Variants in CTIF observed in about 807,000 individuals in gnomAD.
CTIF encodes cap binding complex dependent translation initiation factor, also known as CBP80/20-dependent translation initiation factor.
CTIF carries 21 observed loss-of-function variants against 66.0 expected under a neutral mutation model. The ratio of observed to expected loss-of-function variants is 0.32; its 90% confidence interval spans 0.23 to 0.46. The LOEUF (loss-of-function observed/expected upper bound fraction) is 0.46, where lower values mean the gene tolerates loss of function less well. Among genes scored for constraint, CTIF ranks in the 20% least tolerant of loss-of-function variants. The pLI, the probability that CTIF is intolerant of heterozygous loss-of-function variation, is 1.00. For synonymous variants in CTIF, 345 were observed against 326.4 expected, an observed-to-expected ratio of 1.06 and a Z score of -0.62; for missense variants, 739 against 812.7, an observed-to-expected ratio of 0.91 and a Z score of 1.10.
Position 48,862,996 on chromosome 18 carries a change from T to C in CTIF, c.*3437T>C, listed in dbSNP as rs949470068. 3 of 152,296 alleles carry C rather than the reference T, an allele frequency of 2.0e-5. No homozygotes were observed. The highest frequency in any genetic ancestry group is 7.2e-5 in the African/African-American group (3 of 41,476). 9.4% of individuals were successfully genotyped at this position (152,296 alleles called of 1,614,324 possible). On this transcript the variant is annotated 3_prime_UTR_variant, in exon 12 of 12. Transcript: ENST00000256413. Reference sequence around the variant, plus strand: ...AGAAGAAAGAAAGACAACTTTCCTCTGCGCGGAACACTCACACGGAAGGGC... The same window carrying C: ...AGAAGAAAGAAAGACAACTTTCCTCCGCGCGGAACACTCACACGGAAGGGC...
chr18:48,794,992 C>T (rs1455333109), intron 9 of CTIF, among the ~76,000 whole-genome samples: 1 of 152,126 alleles, frequency 6.6e-6, no homozygotes, highest in Non-Finnish European at 1.5e-5. Flanking sequence ...TCCACATTAG[C>T]TGGCGAGAGT....
intron 3 of CTIF, among the ~76,000 whole-genome samples, chr18:48,637,525 G>A (rs1182890555): frequency 6.6e-6 from 1 of 152,232 alleles, no homozygotes; most frequent in African/African-American, 2.4e-5. Context: ...CCTGGTTTCA[G>A]AGCCGCTGCA....
chr18:48,647,539 G>A (rs1357384359), intron 3 of CTIF, among the ~76,000 whole-genome samples: 1 of 152,188 alleles, frequency 6.6e-6, no homozygotes, highest in African/African-American at 2.4e-5. Context: ...AGGTCTCTTT[G>A]TATTATTTTT....
intron 3 of CTIF, among the ~76,000 whole-genome samples, chr18:48,659,775 C>T (rs373061479): frequency 2.0e-5 from 3 of 152,194 alleles, no homozygotes; most frequent in East Asian, 3.9e-4. Flanking sequence ...AGCCTGGTGC[C>T]GAGTTTTCCA....
intron 5 of CTIF, among the ~76,000 whole-genome samples, chr18:48,669,682 A>G (rs1340177611): frequency 6.6e-6 from 1 of 150,684 alleles, no homozygotes; most frequent in Non-Finnish European, 1.5e-5. Flanking sequence ...ACCAGTATTT[A>G]CCATTAAACA....
intron 7 of CTIF, among the ~76,000 whole-genome samples, chr18:48,728,766 G>T (rs185144754): frequency 4.0e-5 from 6 of 151,754 alleles, no homozygotes; most frequent in African/African-American, 1.5e-4. Flanking sequence ...GAGAGAGAAG[G>T]AAAGAGAGAG....
At chr18:48,856,912 G>A (rs1316365166) in intron 10 of CTIF, among the ~76,000 whole-genome samples, 2 of 152,212 alleles carry the variant, frequency 1.3e-5, no homozygotes, top group Non-Finnish European at 2.9e-5. Context: ...TTATGTGAAT[G>A]GTATCTCAAT....
rs545405776 is a variant in CTIF, at chr18:48,844,580, G to C, written c.1528-13008G>C. On this transcript the variant is annotated intron_variant, in intron 10 of 11. Transcript: ENST00000256413. ...CGCCTGGTCCGCAGCTAGGGTGCCC[G>C]CCCGCCTTAGTTAGGAGGGCTGGCA... 3.6e-3 allele frequency among the ~76,000 whole-genome samples: 546 copies of C among 152,248 alleles called. 1 individual carries two copies. Among genetic ancestry groups the C allele is most frequent in the African/African-American group, 0.012 (483 of 41,540 alleles).
At chr18:48,660,022 C>G (rs2091314628) in intron 3 of CTIF, among the ~76,000 whole-genome samples, 1 of 150,774 alleles carries the variant, frequency 6.6e-6, no homozygotes, top group South Asian at 2.1e-4. Context: ...GATTGTGTGA[C>G]TGCCATGGCT....
chr18:48,569,883 G>C (rs996282910), intron 1 of CTIF, among the ~76,000 whole-genome samples: 2 of 152,180 alleles, frequency 1.3e-5, no homozygotes, highest in Non-Finnish European at 2.9e-5. Flanking sequence ...CATTGGCTTC[G>C]ATCTATTCCA....
chr18:48,757,864 C>T lies in CTIF; in HGVS notation c.585-55C>T, dbSNP rs1272192019. 4.3e-5 allele frequency: 68 copies of T among 1,563,350 alleles called. No individual in the cohort carries two copies. In the South Asian group the frequency reaches 5.1e-4, roughly 12 times the overall value. ...CTGTTCTGGCGGCTGGGCACAGGGA[C>T]TCTGACCAGCCCGCCCAGTGATCGC... On this transcript the variant is annotated intron_variant, in intron 7 of 11. Transcript: ENST00000256413.
intron 10 of CTIF, among the ~76,000 whole-genome samples, chr18:48,827,723 C>T (rs1377905070): frequency 6.6e-6 from 1 of 152,160 alleles, no homozygotes; most frequent in Admixed American, 6.5e-5. Context: ...GCATCGGAGT[C>T]CCTGCAGGGC....
intron 10 of CTIF, among the ~76,000 whole-genome samples, chr18:48,837,316 G>C (rs942093649): frequency 2.4e-4 from 37 of 152,166 alleles, no homozygotes; most frequent in African/African-American, 8.7e-4. Flanking sequence ...GGCTGTCTAA[G>C]GCCCATCAAG....
intron 2 of CTIF, among the ~76,000 whole-genome samples, chr18:48,632,554 T>G (rs529531602): frequency 2.6e-5 from 4 of 152,168 alleles, no homozygotes; most frequent in Admixed American, 2.6e-4. Flanking sequence ...CCTTCCCCAC[T>G]TCCCCCCTGG....
intron 9 of CTIF, among the ~76,000 whole-genome samples, chr18:48,782,019 T>C (rs1247454639): frequency 6.6e-6 from 1 of 152,032 alleles, no homozygotes; most frequent in Non-Finnish European, 1.5e-5. Flanking sequence ...ATTAAAGACC[T>C]GCCTTAGATG....
intron 1 of CTIF, among the ~76,000 whole-genome samples, chr18:48,593,392 T>C (rs1350364086): frequency 1.3e-5 from 2 of 151,804 alleles, no homozygotes; most frequent in Non-Finnish European, 2.9e-5. Context: ...TTTTCTTTTT[T>C]TTTTTTGAGA....
At chr18:48,570,609 G>A (rs1465938523) in intron 1 of CTIF, among the ~76,000 whole-genome samples, 1 of 152,208 alleles carries the variant, frequency 6.6e-6, no homozygotes, top group African/African-American at 2.4e-5. Context: ...GTGGTGCCTG[G>A]GGAATCAGGA....
At chr18:48,573,245 G>A (rs911452436) in intron 1 of CTIF, among the ~76,000 whole-genome samples, 4 of 152,212 alleles carry the variant, frequency 2.6e-5, no homozygotes, top group African/African-American at 9.6e-5. Flanking sequence ...CCACAGAGCT[G>A]CTGGGGTCAG....
At chr18:48,630,636 GTTCAACAGC>G (rs1383268584) in intron 2 of CTIF, among the ~76,000 whole-genome samples, 1 of 148,924 alleles carries the variant, frequency 6.7e-6, no homozygotes, top group Non-Finnish European at 1.5e-5. Context: ...TCCTGTACTG[GTTCAACAGC>G]TTTTTTGTCT....
Sources: allele counts gnomAD v4.1 joint callset (sites outside exome capture counted in the v4.1 genomes callset), GRCh38; gene constraint gnomAD v4.1.1; transcripts MANE v1.5; gene names NCBI Gene and HGNC (gene_info 2026-07-23, HGNC 2026-07-21).